The following BNC2 variants were observed in gnomAD, a reference collection of about 807,000 sequenced individuals.
The protein encoded by BNC2 is basonuclin zinc finger protein 2.
In BNC2, 20 loss-of-function variants were observed where a neutral mutation model predicts 76.3. The ratio of observed to expected loss-of-function variants is 0.26; its 90% confidence interval spans 0.18 to 0.38. BNC2 has a LOEUF of 0.38. Ranked by LOEUF, BNC2 falls within the 10% of genes least tolerant of loss-of-function variation. The pLI is 1.00. For missense variants in BNC2, 1,382 were observed against 1,399.8 expected, an observed-to-expected ratio of 0.99 and a Z score of 0.20; for synonymous variants, 582 against 514.8, an observed-to-expected ratio of 1.13 and a Z score of -1.77.
At chr9:16,509,746 T>C (rs770113595) in intron 5 of BNC2, among the ~76,000 whole-genome samples, 1 of 152,238 alleles carries the variant, frequency 6.6e-6, no homozygotes, top group Non-Finnish European at 1.5e-5. Flanking sequence ...AAGAAAGCAG[T>C]ATTACTTGCT....
chr9:16,496,618 CA>C (rs1200377905), intron 5 of BNC2, among the ~76,000 whole-genome samples: 1 of 152,172 alleles, frequency 6.6e-6, no homozygotes, highest in Non-Finnish European at 1.5e-5. Flanking sequence ...GATGATTAAG[CA>C]ATGCTCTGCA....
intron 5 of BNC2, among the ~76,000 whole-genome samples, chr9:16,506,055 TGAC>T (rs1387036890): frequency 1.3e-5 from 2 of 152,176 alleles, no homozygotes; most frequent in Non-Finnish European, 2.9e-5. Context: ...AAAAGCCAGT[TGAC>T]GAAACTGGCA....
chr9:16,835,535 C>T (rs1424550848), intron 1 of BNC2, among the ~76,000 whole-genome samples: 3 of 151,604 alleles, frequency 2.0e-5, no homozygotes, highest in African/African-American at 7.3e-5. Context: ...CCTGTCCCTA[C>T]TAAAAATACA....
chr9:16,624,448 A>C (rs1820939596), intron 3 of BNC2, among the ~76,000 whole-genome samples: 1 of 152,234 alleles, frequency 6.6e-6, no homozygotes, highest in African/African-American at 2.4e-5. Flanking sequence ...AGTTAATTTT[A>C]CATTAGTATC....
At chr9:16,839,480 A>C (rs1230052347) in intron 1 of BNC2, among the ~76,000 whole-genome samples, 1 of 152,218 alleles carries the variant, frequency 6.6e-6, no homozygotes, top group Admixed American at 6.5e-5. Flanking sequence ...GCAATGATAA[A>C]CATTTAATTA....
At chr9:16,445,273 G>A (rs1011983830) in intron 5 of BNC2, among the ~76,000 whole-genome samples, 5 of 152,280 alleles carry the variant, frequency 3.3e-5, no homozygotes, top group Admixed American at 1.3e-4. Context: ...AAGATGCACC[G>A]CTAGCATACA....
At chr9:16,491,061 G>A (rs1478564127) in intron 5 of BNC2, among the ~76,000 whole-genome samples, 1 of 152,186 alleles carries the variant, frequency 6.6e-6, no homozygotes, top group African/African-American at 2.4e-5. Context: ...GACAGACAAC[G>A]TGATTGTGGT....
At chr9:16,518,579 T>TA (rs1361749098) in intron 5 of BNC2, among the ~76,000 whole-genome samples, 2,082 of 86,396 alleles carry the variant, frequency 0.024, 47 homozygotes, top group African/African-American at 0.069. Context: ...TATATATATA[T>TA]TTTTTGTTGT....
intron 5 of BNC2, among the ~76,000 whole-genome samples, chr9:16,517,788 A>G (rs569960870): frequency 4.1e-4 from 63 of 152,314 alleles, no homozygotes; most frequent in African/African-American, 1.5e-3. Context: ...TGTAGGTTCC[A>G]TGTAACCATA....
chr9:16,849,068 T>C (rs1819061988), intron 1 of BNC2, among the ~76,000 whole-genome samples: 1 of 152,198 alleles, frequency 6.6e-6, no homozygotes, highest in African/African-American at 2.4e-5. Context: ...TACCAGAGGC[T>C]CAACCTGTAT....
chr9:16,666,054 A>G (rs1304063011), intron 3 of BNC2, among the ~76,000 whole-genome samples: 1 of 152,232 alleles, frequency 6.6e-6, no homozygotes, highest in African/African-American at 2.4e-5. Context: ...GTTAAAACAC[A>G]GTAATTTTAA....
chr9:16,665,233 G>C (rs1279149590), intron 3 of BNC2: 8 of 376,058 alleles, frequency 2.1e-5, no homozygotes, highest in Admixed American at 1.4e-4. Flanking sequence ...AGCCAGGCAT[G>C]GTGGTGCATG....
intron 1 of BNC2, among the ~76,000 whole-genome samples, chr9:16,847,138 T>A (rs974192712): frequency 6.6e-6 from 1 of 152,158 alleles, no homozygotes; most frequent in Non-Finnish European, 1.5e-5. Flanking sequence ...GTAGGTCTAC[T>A]TTCCAATTAC....
intron 3 of BNC2, among the ~76,000 whole-genome samples, chr9:16,597,877 G>T (rs928373284): frequency 6.6e-6 from 1 of 152,076 alleles, no homozygotes; most frequent in Non-Finnish European, 1.5e-5. Context: ...TTCCGTGCCT[G>T]GTTTTCGGGG....
intron 5 of BNC2, among the ~76,000 whole-genome samples, chr9:16,524,671 T>G (rs1817737849): frequency 6.6e-6 from 1 of 152,034 alleles, no homozygotes; most frequent in Admixed American, 6.6e-5. Flanking sequence ...AACAATACAG[T>G]GGAAGAAAAA....
intron 4 of BNC2, among the ~76,000 whole-genome samples, chr9:16,563,444 C>T (rs1819074338): frequency 6.6e-6 from 1 of 151,802 alleles, no homozygotes; most frequent in African/African-American, 2.4e-5. Context: ...CAGAGCGAAA[C>T]CCTGTATCTA....
At chr9:16,772,046 A>C (rs973911140) in intron 1 of BNC2, among the ~76,000 whole-genome samples, 2 of 152,246 alleles carry the variant, frequency 1.3e-5, no homozygotes, top group African/African-American at 4.8e-5. Flanking sequence ...CCTTAATCTT[A>C]AAACAAATGA....
intron 5 of BNC2, among the ~76,000 whole-genome samples, chr9:16,443,528 G>C (rs971800163): frequency 7.5e-5 from 11 of 147,412 alleles, no homozygotes; most frequent in African/African-American, 3.0e-4. Flanking sequence ...AAATGAAACA[G>C]TAATTGCTGA....
At chr9:16,532,836 C>G (rs1003541163) in intron 5 of BNC2, among the ~76,000 whole-genome samples, 1 of 152,204 alleles carries the variant, frequency 6.6e-6, no homozygotes, top group Non-Finnish European at 1.5e-5. Flanking sequence ...CTCTTCCCAA[C>G]TCCATGTTCA....
Sources: allele counts gnomAD v4.1 joint callset (sites outside exome capture counted in the v4.1 genomes callset), GRCh38; gene constraint gnomAD v4.1.1; transcripts MANE v1.5; gene names NCBI Gene and HGNC (gene_info 2026-07-23, HGNC 2026-07-21).